Variants in KLHL8 observed in about 807,000 individuals in gnomAD.
KLHL8 encodes kelch-like protein 8.
In KLHL8, 38 loss-of-function variants were observed where a neutral mutation model predicts 63.5. The ratio of observed to expected loss-of-function variants is 0.60; its 90% confidence interval spans 0.46 to 0.78. The LOEUF (loss-of-function observed/expected upper bound fraction) is 0.78. Among genes scored for constraint, KLHL8 ranks in the 30% least tolerant of loss-of-function variants. KLHL8 has a pLI of 0.00. For missense variants in KLHL8, 566 were observed against 752.4 expected, an observed-to-expected ratio of 0.75 and a Z score of 2.90; for synonymous variants, 224 against 254.3, an observed-to-expected ratio of 0.88 and a Z score of 1.13.
intron 1 of KLHL8, among the ~76,000 whole-genome samples, chr4:87,237,253 A>G (rs1733249189): frequency 6.6e-6 from 1 of 152,196 alleles, no homozygotes. Flanking sequence ...GGAAAGAAGA[A>G]TGTATTGGAA....
At chr4:87,213,180 G>A (rs1435658570) in intron 1 of KLHL8, among the ~76,000 whole-genome samples, 1 of 152,132 alleles carries the variant, frequency 6.6e-6, no homozygotes, top group East Asian at 1.9e-4. Context: ...CACAATCATA[G>A]TGGTCTAAAA....
At chr4:87,165,021 C>T (rs1394837152) in intron 8 of KLHL8, among the ~76,000 whole-genome samples, 30 of 151,480 alleles carry the variant, frequency 2.0e-4, no homozygotes, top group Admixed American at 1.2e-3. Flanking sequence ...TGGTGGCGGG[C>T]GCCTGTAGTC....
intron 1 of KLHL8, among the ~76,000 whole-genome samples, chr4:87,229,300 G>A (rs763721757): frequency 4.6e-5 from 7 of 152,102 alleles, no homozygotes; most frequent in Admixed American, 2.0e-4. Flanking sequence ...CAGACCACAG[G>A]ACAGATGACA....
At chr4:87,207,995 A>G (rs941203449) in intron 1 of KLHL8, 5 of 731,408 alleles carry the variant, frequency 6.8e-6, no homozygotes. Context: ...ATTGCCCTCA[A>G]CAACCACTTT....
intron 1 of KLHL8, among the ~76,000 whole-genome samples, chr4:87,234,027 G>C (rs528359970): frequency 6.2e-4 from 95 of 152,322 alleles, no homozygotes; most frequent in Non-Finnish European, 1.1e-3. Context: ...ACTACATTTA[G>C]AGTAGAATGA....
At chr4:87,207,678 C>A in intron 1 of KLHL8, 2 of 1,051,864 alleles carry the variant, frequency 1.9e-6, no homozygotes, top group Non-Finnish European at 3.0e-6. Context: ...TGTGGCGTGA[C>A]AGCTGCAGGG....
chr4:87,184,989 G>C (rs1184015877), intron 3 of KLHL8, among the ~76,000 whole-genome samples: 1 of 152,036 alleles, frequency 6.6e-6, no homozygotes, highest in East Asian at 1.9e-4. Flanking sequence ...TTCATCATTA[G>C]TATCCCAAAG....
At chr4:87,170,676 T>C (rs1178274233) in intron 6 of KLHL8, 61 bp from the exon 7 acceptor site, 2 of 1,438,282 alleles carry the variant, frequency 1.4e-6, no homozygotes, top group Admixed American at 2.1e-5. Flanking sequence ...AAAAGTCATA[T>C]AAAAAATTGT....
intron 1 of KLHL8, chr4:87,207,174 T>C (rs541544975): frequency 2.6e-5 from 15 of 569,970 alleles, no homozygotes; most frequent in East Asian, 8.6e-5. Flanking sequence ...AAAGTGGATA[T>C]TGTCGCCATC....
intron 2 of KLHL8, among the ~76,000 whole-genome samples, chr4:87,191,438 G>A (rs1731484285): frequency 6.6e-6 from 1 of 151,996 alleles, no homozygotes; most frequent in Admixed American, 6.6e-5. Flanking sequence ...CTCCAGCCTG[G>A]GTGACAGAGC....
At chr4:87,176,943 TTA>T (rs1396233190) in intron 5 of KLHL8, 75 bp from the exon 6 acceptor site, 5 of 687,182 alleles carry the variant, frequency 7.3e-6, no homozygotes, top group Non-Finnish European at 1.2e-5. Context: ...TATATAAACA[TTA>T]TATAATTAAA....
At chr4:87,196,880 C>G (rs1475461829) in intron 1 of KLHL8, among the ~76,000 whole-genome samples, 1 of 152,146 alleles carries the variant, frequency 6.6e-6, no homozygotes, top group Non-Finnish European at 1.5e-5. Flanking sequence ...TACCTCATGG[C>G]ACTATCCTGA....
intron 1 of KLHL8, among the ~76,000 whole-genome samples, chr4:87,228,914 C>G (rs931867117): frequency 2.0e-5 from 3 of 152,232 alleles, no homozygotes; most frequent in Admixed American, 2.0e-4. Flanking sequence ...TACCCATAAT[C>G]TTTGCACAGA....
At chr4:87,233,056 T>C (rs771222640) in intron 1 of KLHL8, among the ~76,000 whole-genome samples, 9 of 152,094 alleles carry the variant, frequency 5.9e-5, no homozygotes, top group Non-Finnish European at 1.2e-4. Flanking sequence ...TTTTTCTTTT[T>C]TGAGATGGAG....
chr4:87,198,162 A>T lies in KLHL8; in HGVS notation c.-151-2472T>A, dbSNP rs150712084. Among the ~76,000 whole-genome samples, 715 of 152,222 alleles carry T rather than the reference A, an allele frequency of 4.7e-3. 9 individuals are homozygous for T. Among genetic ancestry groups the T allele is most frequent in the African/African-American group, 0.016 (656 of 41,528 alleles). On this transcript the variant is annotated intron_variant, in intron 1 of 9. Coordinates refer to ENST00000273963, the MANE Select transcript of KLHL8 (RefSeq NM_020803.5). ...GGCAAAACCCCGTCTCTACTAAAAA[A>T]TACAAAAACCAGCCAGGCATGGTGG...
At position 87,207,966 on chromosome 4, in the gene KLHL8, C is replaced by T. The variant is rs1732212441; in HGVS notation, c.-151-12276G>A. ...TCAACAGCAACACGCACTCTTCCAC[C>T]TTCAATGTTAGGGCTGGCATTGCCC... On this transcript the variant is annotated intron_variant, in intron 1 of 9. Coordinates refer to ENST00000273963, the MANE Select transcript of KLHL8 (RefSeq NM_020803.5). 3 of 801,398 alleles carry T rather than the reference C, an allele frequency of 3.7e-6. No individual in the cohort carries two copies. The South Asian group carries it at 4.1e-5, about 11-fold the overall frequency. 49.6% of individuals were successfully genotyped at this position (801,398 alleles called of 1,614,324 possible).
intron 1 of KLHL8, among the ~76,000 whole-genome samples, chr4:87,199,664 AC>A (rs1389679041): frequency 7.7e-4 from 51 of 66,136 alleles, no homozygotes; most frequent in Admixed American, 2.9e-3. Flanking sequence ...TAAAAAAAAA[AC>A]AAAAAAAAAA....
At chr4:87,172,612 G>A (rs965468274) in intron 6 of KLHL8, among the ~76,000 whole-genome samples, 3 of 152,132 alleles carry the variant, frequency 2.0e-5, no homozygotes, top group Non-Finnish European at 4.4e-5. Context: ...GGCAGAAACC[G>A]AAGAATCATC....
intron 2 of KLHL8, among the ~76,000 whole-genome samples, chr4:87,186,993 A>C (rs184598729): frequency 4.6e-5 from 7 of 151,930 alleles, no homozygotes; most frequent in Admixed American, 3.9e-4. Context: ...AAAACACTGC[A>C]ATCTCATCAC....
Sources: gnomAD v4.1 joint callset for allele counts (sites outside exome capture counted in the v4.1 genomes callset) on GRCh38, gnomAD v4.1.1 for gene constraint, MANE v1.5 for transcripts, NCBI Gene and HGNC (gene_info 2026-07-23, HGNC 2026-07-21) for gene names.